Variants in MCPH1 observed in about 807,000 individuals in gnomAD.
The protein encoded by MCPH1 is microcephalin 1.
A neutral mutation model predicts 84.5 loss-of-function variants in MCPH1; 104 were observed. The ratio of observed to expected loss-of-function variants is 1.23; its 90% CI spans 1.05 to 1.45. MCPH1 has a LOEUF of 1.45. MCPH1 is among the 40% of genes most tolerant of loss of function. MCPH1 has a pLI of 0.00. For missense variants in MCPH1, 1,498 were observed against 1,005.7 expected, an observed-to-expected ratio of 1.49 and a Z score of -6.62; for synonymous variants, 514 against 366.8, an observed-to-expected ratio of 1.40 and a Z score of -4.58.
chr8:6,447,891 TCTTTTTTA>T (rs950977382), intron 8 of MCPH1, among the ~76,000 whole-genome samples: 16 of 152,322 alleles, frequency 1.1e-4, no homozygotes, highest in Middle Eastern at 3.4e-3. Context: ...TTAATTTTTT[TCTTTTTTA>T]CTTTTTTATT....
At chr8:6,626,594 C>T (rs1832104212) in intron 13 of MCPH1, 2 of 983,222 alleles carry the variant, frequency 2.0e-6, no homozygotes, top group Non-Finnish European at 2.4e-6. Flanking sequence ...GTTACCTTTA[C>T]CTGATATTGA....
chr8:6,438,152 A>G (rs1202321828), intron 5 of MCPH1, among the ~76,000 whole-genome samples: 1 of 152,184 alleles, frequency 6.6e-6, no homozygotes, highest in Non-Finnish European at 1.5e-5. Flanking sequence ...CTTCTTTGCT[A>G]TGTCAGTGAC....
chr8:6,567,313 G>A lies in MCPH1; in HGVS notation c.2215-54141G>A, dbSNP rs751748292. 5.6e-5 allele frequency among the ~76,000 whole-genome samples: 5 copies of A among 89,926 alleles called. No individual in the cohort carries two copies. The Middle Eastern group carries it at 0.032, about 576-fold the overall frequency. The allele number at this position is 89,926 out of a possible 152,430, so 59.0% of individuals were successfully genotyped here. ...ATAGTGTACACGGTGCGATGACCAT[G>A]TGTGATCCGCAAGGTCATGGATAGT... On this transcript the variant is annotated intron_variant, in intron 12 of 13. Coordinates refer to ENST00000344683, the MANE Select transcript of MCPH1 (RefSeq NM_024596.5).
At chr8:6,466,718 C>T (rs541502724) in intron 9 of MCPH1, among the ~76,000 whole-genome samples, 1 of 151,890 alleles carries the variant, frequency 6.6e-6, no homozygotes, top group South Asian at 2.1e-4. Context: ...GGATTACAGG[C>T]GGCAGCCACC....
intron 12 of MCPH1, among the ~76,000 whole-genome samples, chr8:6,585,166 A>G (rs1472156641): frequency 6.6e-6 from 1 of 152,250 alleles, no homozygotes; most frequent in Non-Finnish European, 1.5e-5. Context: ...TCCGTGGCTA[A>G]TGAAGGATTT....
At chr8:6,536,255 G>A (rs1223964380) in intron 12 of MCPH1, among the ~76,000 whole-genome samples, 1 of 152,072 alleles carries the variant, frequency 6.6e-6, no homozygotes, top group Non-Finnish European at 1.5e-5. Context: ...TTTCTTGGTT[G>A]CCGGCACTGC....
At chr8:6,610,000 G>A (rs1830128789) in intron 12 of MCPH1, among the ~76,000 whole-genome samples, 3 of 152,258 alleles carry the variant, frequency 2.0e-5, no homozygotes, top group African/African-American at 7.2e-5. Flanking sequence ...TTAAAAGCAA[G>A]GCCGATTATA....
At chr8:6,457,955 C>T (rs1422182180) in intron 9 of MCPH1, among the ~76,000 whole-genome samples, 1 of 152,154 alleles carries the variant, frequency 6.6e-6, no homozygotes, top group Non-Finnish European at 1.5e-5. Context: ...GGCCCCAAGC[C>T]AGACATGCTG....
chr8:6,567,170 G>T (rs1826255513), intron 12 of MCPH1, among the ~76,000 whole-genome samples: 1 of 47,106 alleles, frequency 2.1e-5, no homozygotes, highest in Non-Finnish European at 6.9e-5. Context: ...GTGGCGTGGT[G>T]TCCATGTATG....
At chr8:6,626,617 TA>T in intron 13 of MCPH1, 1 of 985,006 alleles carries the variant, frequency 1.0e-6, no homozygotes, top group Non-Finnish European at 1.2e-6. Context: ...ATACATATTA[TA>T]TTTGAAAGCA....
Position 6,477,516 on chromosome 8 carries a change from A to G in MCPH1, c.1936-78A>G, listed in dbSNP as rs1586004701. 16 of 1,324,798 alleles carry G rather than the reference A, an allele frequency of 1.2e-5. No individual in the cohort carries two copies. The South Asian group carries it at 1.6e-4, about 13-fold the overall frequency. 82.1% of individuals were successfully genotyped at this position (1,324,798 alleles called of 1,614,324 possible). A position where few individuals can be genotyped will look rare whatever the true frequency, so the allele number is the denominator to read the frequency against. On this transcript the variant is annotated intron_variant, in intron 9 of 13. Transcript: ENST00000344683. The stretch of plus-strand genomic sequence containing the variant: ...AGTGATGTAACTTTTCAAAAAACTT[A>G]TTACAGTTTATTTCTGTGGGAAAAA...
chr8:6,591,281 T>A (rs916407725), intron 12 of MCPH1, among the ~76,000 whole-genome samples: 4 of 152,260 alleles, frequency 2.6e-5, no homozygotes, highest in Non-Finnish European at 5.9e-5. Context: ...ACATGCCTAC[T>A]TTTTATAGTC....
At chr8:6,410,302 A>C (rs1294415057) in intron 2 of MCPH1, among the ~76,000 whole-genome samples, 1 of 152,076 alleles carries the variant, frequency 6.6e-6, no homozygotes, top group African/African-American at 2.4e-5. Flanking sequence ...GCCTTTCAGA[A>C]CTAGAATGGA....
At chr8:6,486,615 G>A (rs1393519940) in intron 11 of MCPH1, among the ~76,000 whole-genome samples, 1 of 152,144 alleles carries the variant, frequency 6.6e-6, no homozygotes, top group Non-Finnish European at 1.5e-5. Context: ...ATTTTTCCAT[G>A]TTTACAGCAG....
intron 3 of MCPH1, among the ~76,000 whole-genome samples, chr8:6,428,300 G>T (rs144386970): frequency 4.6e-5 from 7 of 152,004 alleles, no homozygotes; most frequent in African/African-American, 1.4e-4. Context: ...ATTAGCCTGG[G>T]CCTACACAGG....
In MCPH1 at chr8:6,414,746, T is replaced by C. The variant is rs769663395; in HGVS notation, c.115-19T>C. The C allele has an allele frequency of 6.2e-7, 1 of 1,612,586 alleles. No homozygotes were observed. The highest frequency in any genetic ancestry group is 1.1e-5 in the South Asian group (1 of 90,812). On this transcript the variant is annotated intron_variant, in intron 2 of 13. Coordinates refer to ENST00000344683, the MANE Select transcript of MCPH1 (RefSeq NM_024596.5). ...AATGAACAGTAATGTACATTTTGTT[T>C]TCTGCATTTTGTCTACAGGTTTCAA...
intron 12 of MCPH1, among the ~76,000 whole-genome samples, chr8:6,570,092 C>T (rs1826534414): frequency 1.3e-5 from 2 of 152,238 alleles, no homozygotes; most frequent in African/African-American, 4.8e-5. Context: ...GTGCATTCTA[C>T]ATACCCTTTC....
chr8:6,508,932 C>G, intron 12 of MCPH1: 1 of 1,614,108 alleles, frequency 6.2e-7, no homozygotes, highest in Non-Finnish European at 8.5e-7. Flanking sequence ...TCATCCCTAC[C>G]TCCTGTTAGC....
At chr8:6,519,624 C>T (rs138958244) in intron 12 of MCPH1, among the ~76,000 whole-genome samples, 2 of 152,262 alleles carry the variant, frequency 1.3e-5, no homozygotes, top group African/African-American at 4.8e-5. Context: ...GTATTTCTTG[C>T]CGAAGATAAG....
Sources: allele counts gnomAD v4.1 joint callset (sites outside exome capture counted in the v4.1 genomes callset), GRCh38; gene constraint gnomAD v4.1.1; transcripts MANE v1.5; gene names NCBI Gene and HGNC (gene_info 2026-07-23, HGNC 2026-07-21).